LINGO2: variants seen among roughly 807,000 people sequenced by gnomAD.
LINGO2 encodes leucine-rich repeat and immunoglobulin-like domain-containing nogo receptor-interacting protein 2.
LINGO2 carries 14 observed loss-of-function variants against 30.6 expected under a neutral mutation model. The ratio of observed to expected loss-of-function variants is 0.46; its 90% CI spans 0.30 to 0.72. LINGO2 has a LOEUF of 0.72. LINGO2 is among the 30% of genes least tolerant of loss of function. The pLI is 0.07. For synonymous variants in LINGO2, 317 were observed against 288.5 expected (o/e 1.10, Z -1.00); for missense variants, 729 against 751.7 (o/e 0.97, Z 0.35).
At chr9:28,700,319 G>A in the LINGO2 span, among the ~76,000 whole-genome samples, 1 of 151,796 alleles carries the variant, frequency 6.6e-6, no homozygotes, top group Non-Finnish European at 1.5e-5. Context: ...CTTAGCTATT[G>A]GTAACCACCA....
chr9:28,101,399 A>G (rs1416220791), intron 4 of LINGO2, among the ~76,000 whole-genome samples: 1 of 152,202 alleles, frequency 6.6e-6, no homozygotes, highest in Non-Finnish European at 1.5e-5. Flanking sequence ...GCACTTCAAA[A>G]TAAACTATAA....
the LINGO2 span, among the ~76,000 whole-genome samples, chr9:28,688,986 G>A: frequency 9.9e-3 from 1,511 of 152,234 alleles, 29 homozygotes; most frequent in Admixed American, 0.037. Context: ...TGCAAAATCC[G>A]TTTCCCTTGA....
chr9:29,079,447 T>C, the LINGO2 span, among the ~76,000 whole-genome samples: 1 of 151,984 alleles, frequency 6.6e-6, no homozygotes, highest in African/African-American at 2.4e-5. Context: ...AATATAGTTA[T>C]TTATAGACAT....
At chr9:28,631,238 C>A (rs1826923575) in intron 1 of LINGO2, among the ~76,000 whole-genome samples, 1 of 151,700 alleles carries the variant, frequency 6.6e-6, no homozygotes, top group Admixed American at 6.6e-5. Flanking sequence ...TATACATGTG[C>A]CATGTTGGTG....
chr9:28,960,134 T>C, the LINGO2 span, among the ~76,000 whole-genome samples: 1 of 152,180 alleles, frequency 6.6e-6, no homozygotes, highest in Admixed American at 6.5e-5. Flanking sequence ...TTGATATGTG[T>C]AGGATTTTGA....
At chr9:27,957,673 C>A (rs546368589) in intron 5 of LINGO2, among the ~76,000 whole-genome samples, 1 of 140,386 alleles carries the variant, frequency 7.1e-6, no homozygotes, top group South Asian at 2.1e-4. Flanking sequence ...TTCCAAAAAT[C>A]CTTTGGGCTT....
intron 1 of LINGO2, among the ~76,000 whole-genome samples, chr9:28,649,209 T>G (rs999384067): frequency 5.3e-5 from 8 of 152,242 alleles, no homozygotes; most frequent in Admixed American, 2.6e-4. Flanking sequence ...GTAAAAAGCA[T>G]ACTCCCAGAA....
intron 3 of LINGO2, among the ~76,000 whole-genome samples, chr9:28,355,297 ATGTC>A (rs1820133673): frequency 2.4e-5 from 1 of 41,148 alleles, no homozygotes; most frequent in Non-Finnish European, 5.5e-5. Context: ...CTCTCTCTCT[ATGTC>A]TCTCTCTCTC....
the LINGO2 span, among the ~76,000 whole-genome samples, chr9:28,987,911 T>C: frequency 6.6e-6 from 1 of 152,204 alleles, no homozygotes; most frequent in Non-Finnish European, 1.5e-5. Context: ...TGATATGATT[T>C]CAATCTTAAA....
the LINGO2 span, among the ~76,000 whole-genome samples, chr9:28,706,529 A>C: frequency 1.6e-4 from 25 of 152,170 alleles, no homozygotes; most frequent in Non-Finnish European, 3.1e-4. Context: ...TTAAAATTTC[A>C]AGATGCATTT....
At chr9:29,070,355 G>A in the LINGO2 span, among the ~76,000 whole-genome samples, 11 of 152,172 alleles carry the variant, frequency 7.2e-5, no homozygotes, top group South Asian at 2.1e-4. Flanking sequence ...TAAGAAAACC[G>A]TAAAGTTGTT....
At chr9:28,686,895 G>A in the LINGO2 span, among the ~76,000 whole-genome samples, 1 of 152,044 alleles carries the variant, frequency 6.6e-6, no homozygotes, top group East Asian at 1.9e-4. Flanking sequence ...TGGAATTTAT[G>A]TTGAATATAA....
the LINGO2 span, among the ~76,000 whole-genome samples, chr9:29,002,433 G>C: frequency 6.6e-6 from 1 of 152,086 alleles, no homozygotes; most frequent in Non-Finnish European, 1.5e-5. Context: ...GGACAGATGT[G>C]ATTGTTAGCA....
the LINGO2 span, among the ~76,000 whole-genome samples, chr9:28,812,883 G>A: frequency 6.6e-6 from 1 of 152,100 alleles, no homozygotes; most frequent in South Asian, 2.1e-4. Flanking sequence ...TGCAGCACCT[G>A]TGTGTCACTG....
chr9:28,710,872 T>G, the LINGO2 span, among the ~76,000 whole-genome samples: 1 of 152,038 alleles, frequency 6.6e-6, no homozygotes, highest in African/African-American at 2.4e-5. Flanking sequence ...CAGAACAGTG[T>G]TAAAGAAAAA....
intron 4 of LINGO2, among the ~76,000 whole-genome samples, chr9:28,038,650 A>C (rs1045619957): frequency 1.9e-4 from 29 of 148,904 alleles, no homozygotes; most frequent in African/African-American, 7.2e-4. Flanking sequence ...CCGAGATTGC[A>C]CCACTGCAGT....
chr9:28,727,796 C>T, the LINGO2 span, among the ~76,000 whole-genome samples: 2 of 152,000 alleles, frequency 1.3e-5, no homozygotes, highest in Non-Finnish European at 2.9e-5. Flanking sequence ...ATGGGTTTCC[C>T]GTGGACCAGA....
intron 2 of LINGO2, among the ~76,000 whole-genome samples, chr9:28,454,000 C>G (rs979959181): frequency 2.0e-5 from 3 of 151,828 alleles, no homozygotes; most frequent in African/African-American, 7.3e-5. Context: ...ATGAGAAGTC[C>G]GAAAGATTAA....
chr9:28,685,992 T>C, the LINGO2 span, among the ~76,000 whole-genome samples: 1 of 151,808 alleles, frequency 6.6e-6, no homozygotes, highest in East Asian at 1.9e-4. Flanking sequence ...TGTGTGTGTG[T>C]GTGTGTGTGT....
Sources: gnomAD v4.1 joint callset for allele counts (sites outside exome capture counted in the v4.1 genomes callset) on GRCh38, gnomAD v4.1.1 for gene constraint, MANE v1.5 for transcripts, NCBI Gene and HGNC (gene_info 2026-07-23, HGNC 2026-07-21) for gene names.